ADAMTS19: variants seen among roughly 807,000 people sequenced by gnomAD.
ADAMTS19 encodes the protein ADAM metallopeptidase with thrombospondin type 1 motif 19.
Under a neutral mutation model 153.3 loss-of-function variants are expected in ADAMTS19, and 93 were observed. The observed-to-expected ratio is 0.61, with a 90% CI of 0.51 to 0.72. ADAMTS19 has a LOEUF of 0.72. ADAMTS19 is among the 30% of genes least tolerant of loss of function. The pLI, the probability that ADAMTS19 is intolerant of heterozygous loss-of-function variation, is 0.00. For missense variants in ADAMTS19, 1,482 were observed against 1,552.1 expected (o/e 0.95, Z 0.76); for synonymous variants, 600 against 556.6 (o/e 1.08, Z -1.10).
At chr5:129,510,218 T>G (rs1235374328) in intron 3 of ADAMTS19, among the ~76,000 whole-genome samples, 3 of 151,908 alleles carry the variant, frequency 2.0e-5, no homozygotes. Context: ...AGATTAGATA[T>G]GTGCATGGTG....
At chr5:129,540,210 C>T (rs895097469) in intron 6 of ADAMTS19, among the ~76,000 whole-genome samples, 2 of 152,020 alleles carry the variant, frequency 1.3e-5, no homozygotes, top group Non-Finnish European at 2.9e-5. Context: ...TATGTGCATA[C>T]ATTAATAGGA....
chr5:129,499,514 CTA>C (rs1298157251), intron 2 of ADAMTS19, among the ~76,000 whole-genome samples: 2 of 151,882 alleles, frequency 1.3e-5, no homozygotes, highest in Non-Finnish European at 2.9e-5. Flanking sequence ...ATCTCTATCT[CTA>C]TTAAATGTCA....
intron 17 of ADAMTS19, among the ~76,000 whole-genome samples, chr5:129,682,719 T>G (rs979853370): frequency 2.0e-5 from 3 of 152,188 alleles, no homozygotes; most frequent in African/African-American, 7.2e-5. Context: ...ATGACATATT[T>G]AAGCCAAAAT....
At chr5:129,730,118 G>A (rs1757373035) in intron 21 of ADAMTS19, among the ~76,000 whole-genome samples, 1 of 152,008 alleles carries the variant, frequency 6.6e-6, no homozygotes, top group Admixed American at 6.6e-5. Flanking sequence ...ACTTTTCTAA[G>A]CATGTCTTTA....
intron 7 of ADAMTS19, among the ~76,000 whole-genome samples, chr5:129,560,915 G>A (rs1191718962): frequency 1.3e-5 from 2 of 151,974 alleles, no homozygotes; most frequent in African/African-American, 4.8e-5. Context: ...TATGCCTCAA[G>A]GTAGTAATTA....
chr5:129,478,480 A>T (rs1473817928), intron 2 of ADAMTS19, among the ~76,000 whole-genome samples: 1 of 152,186 alleles, frequency 6.6e-6, no homozygotes, highest in African/African-American at 2.4e-5. Flanking sequence ...AAGGAATGGG[A>T]AAAGTACCAC....
chr5:129,576,150 T>A (rs1398134151), intron 7 of ADAMTS19, among the ~76,000 whole-genome samples: 1 of 151,970 alleles, frequency 6.6e-6, no homozygotes, highest in African/African-American at 2.4e-5. Flanking sequence ...TGGAATGTGT[T>A]CTTTACTATG....
chr5:129,621,805 G>T (rs1262690521), intron 9 of ADAMTS19, among the ~76,000 whole-genome samples: 1 of 152,164 alleles, frequency 6.6e-6, no homozygotes, highest in Non-Finnish European at 1.5e-5. Context: ...ACCTGAGGAT[G>T]CTTTCCATAC....
chr5:129,563,623 C>T (rs1753598498), intron 7 of ADAMTS19, among the ~76,000 whole-genome samples: 1 of 152,140 alleles, frequency 6.6e-6, no homozygotes, highest in South Asian at 2.1e-4. Context: ...CTGTGCCCAC[C>T]TTCAATGGGT....
At chr5:129,660,345 A>G (rs1231527833) in intron 15 of ADAMTS19, among the ~76,000 whole-genome samples, 1 of 152,212 alleles carries the variant, frequency 6.6e-6, no homozygotes, top group Non-Finnish European at 1.5e-5. Context: ...AAATTTAATT[A>G]TAATAAGCTT....
chr5:129,467,265 G>A lies in ADAMTS19; in HGVS notation c.747+5508G>A, dbSNP rs192432503. On this transcript the variant is annotated intron_variant, in intron 2 of 22. Transcript: ENST00000274487. ...ACATATTTTCCAGATGGTGTGTGGCGTATTAAGTCAGCGATTCTAGTTGAT... is the reference window on the plus strand; with the variant it reads ...ACATATTTTCCAGATGGTGTGTGGCATATTAAGTCAGCGATTCTAGTTGAT... Among the ~76,000 whole-genome samples, 13 of 152,188 alleles carry A rather than the reference G, an allele frequency of 8.5e-5. No individual in the cohort carries two copies. The East Asian group carries it at 1.6e-3, about 18-fold the overall frequency.
At chr5:129,692,431 T>A (rs1355775357) in intron 18 of ADAMTS19, among the ~76,000 whole-genome samples, 1 of 151,956 alleles carries the variant, frequency 6.6e-6, no homozygotes, top group African/African-American at 2.4e-5. Flanking sequence ...CTGCTGTGAT[T>A]AAGTCTGAAT....
At chr5:129,676,825 G>T (rs965475867) in intron 16 of ADAMTS19, among the ~76,000 whole-genome samples, 6 of 152,168 alleles carry the variant, frequency 3.9e-5, no homozygotes, top group African/African-American at 1.4e-4. Flanking sequence ...GGATTTGAAG[G>T]TACATGTGTG....
intron 7 of ADAMTS19, among the ~76,000 whole-genome samples, chr5:129,594,846 T>C (rs1160452620): frequency 1.3e-5 from 2 of 152,094 alleles, no homozygotes; most frequent in Non-Finnish European, 2.9e-5. Context: ...CTTTCTGTCC[T>C]ACTTTGTCTT....
rs1450905874 is a variant in ADAMTS19 at position 129,737,366 on chromosome 5, G to A, written c.*148G>A. ...TTTTTGCCTGCCAAACATCCAATGT[G>A]GTGCTTGTTTTGGTTACACAAACAT... is the stretch of plus-strand genomic sequence containing the variant. On this transcript the variant is annotated 3_prime_UTR_variant, in exon 23 of 23. Transcript: ENST00000274487. 2.4e-6 allele frequency: 2 copies of A among 818,562 alleles called. No individual in the cohort carries two copies. Among genetic ancestry groups the A allele is most frequent in the African/African-American group, 1.8e-5 (1 of 56,338 alleles). The allele number at this position is 818,562 out of a possible 1,614,324, so 50.7% of individuals were successfully genotyped here.
At chr5:129,497,902 C>G (rs946305422) in intron 2 of ADAMTS19, among the ~76,000 whole-genome samples, 6 of 152,082 alleles carry the variant, frequency 3.9e-5, no homozygotes, top group African/African-American at 1.4e-4. Context: ...ACCCTAGAAT[C>G]TGTTTTCTGA....
chr5:129,549,184 A>C lies in ADAMTS19; in HGVS notation c.1329-2680A>C, dbSNP rs1447089070. Among the ~76,000 whole-genome samples the C allele has an allele frequency of 1.4e-4, 12 of 86,344 alleles. 1 individual carries two copies. The allele number at this position is 86,344 out of a possible 152,430, so 56.6% of individuals were successfully genotyped here. On this transcript the variant is annotated intron_variant, in intron 6 of 22. Coordinates refer to ENST00000274487, the MANE Select transcript of ADAMTS19 (RefSeq NM_133638.6). ...TAAAACTTAAAGTATAATAATAATA[A>C]AATAAATAAATAAATAAATAAAATA... is the stretch of plus-strand genomic sequence containing the variant.
intron 9 of ADAMTS19, 27 bp downstream of exon 9, chr5:129,620,785 C>A: frequency 6.2e-7 from 1 of 1,606,094 alleles, no homozygotes; most frequent in Non-Finnish European, 8.5e-7. Flanking sequence ...TTGTTTTTGC[C>A]TTGTGAATGA....
chr5:129,702,372 C>A (rs1359842278), intron 20 of ADAMTS19, among the ~76,000 whole-genome samples: 2 of 152,160 alleles, frequency 1.3e-5, no homozygotes, highest in Non-Finnish European at 2.9e-5. Context: ...CATGTACCAA[C>A]ACACCTACAC....
Sources: gnomAD v4.1 joint callset for allele counts (sites outside exome capture counted in the v4.1 genomes callset) on GRCh38, gnomAD v4.1.1 for gene constraint, MANE v1.5 for transcripts, NCBI Gene and HGNC (gene_info 2026-07-23, HGNC 2026-07-21) for gene names.